Variants in ZP2 observed in about 807,000 individuals in gnomAD.
The protein encoded by ZP2 is zona pellucida sperm-binding protein 2.
In ZP2, 51 loss-of-function variants were observed where a neutral mutation model predicts 84.0. The observed-to-expected ratio is 0.61, with a 90% confidence interval of 0.49 to 0.77. The LOEUF (loss-of-function observed/expected upper bound fraction) is 0.77, where lower values mean the gene tolerates loss of function less well. Ranked by LOEUF, ZP2 falls within the 30% of genes least tolerant of loss-of-function variation. The probability of loss-of-function intolerance (pLI) is 0.00; values close to 1 mark genes in which losing one functional copy is unlikely to be tolerated. For synonymous variants in ZP2, 375 were observed against 330.9 expected (o/e 1.13, Z -1.45); for missense variants, 909 against 911.9 (o/e 1.00, Z 0.04).
At chr16:21,205,841 A>G in intron 5 of ZP2, 66 bp from the exon 6 acceptor site, 1 of 1,554,344 alleles carries the variant, frequency 6.4e-7, no homozygotes, top group African/African-American at 1.4e-5. Flanking sequence ...TTCATGCCAG[A>G]AATTGCTGTG....
chr16:21,202,361 T>C (rs922493048), intron 10 of ZP2, 70 bp from the exon 11 acceptor site: 131 of 1,346,240 alleles, frequency 9.7e-5, no homozygotes, highest in Non-Finnish European at 1.3e-4. Context: ...CCCAACCTGA[T>C]ATGCTACGAG....
chr16:21,206,501 A>C (rs1158236800), intron 5 of ZP2, among the ~76,000 whole-genome samples: 2 of 152,176 alleles, frequency 1.3e-5, no homozygotes, highest in Non-Finnish European at 2.9e-5. Flanking sequence ...GTATCTTAGC[A>C]TCTAGGGTAG....
chr16:21,208,248 A>G (rs2093259298), intron 4 of ZP2, among the ~76,000 whole-genome samples: 1 of 152,202 alleles, frequency 6.6e-6, no homozygotes, highest in Admixed American at 6.5e-5. Context: ...TTGGCCATCC[A>G]CAGGTTATGG....
chr16:21,206,538 T>A (rs2093250496), intron 5 of ZP2, among the ~76,000 whole-genome samples: 1 of 152,132 alleles, frequency 6.6e-6, no homozygotes. Context: ...TGTATTCCAT[T>A]TGTCAGATGA....
chr16:21,205,298 A>C, intron 7 of ZP2, 122 bp downstream of exon 7: 1 of 1,198,336 alleles, frequency 8.3e-7, no homozygotes, highest in Non-Finnish European at 1.2e-6. Flanking sequence ...AGTGTTTGGC[A>C]CTTAATAGGC....
chr16:21,201,526 C>CG lies in ZP2; in HGVS notation c.1536dup (p.Glu513ArgfsTer23), dbSNP rs2093225262. 6.2e-7 allele frequency: 1 copy of CG among 1,611,332 alleles called. No individual in the cohort carries two copies. The highest frequency in any genetic ancestry group is 1.3e-5 in the African/African-American group (1 of 74,864). ...CGGAGGAATCTCACTAGAGGGTACT[C>CG]GTTTTCCCCATAAGGTTGTTGGTAG... On this transcript the variant is annotated frameshift_variant, in exon 14 of 19. Transcript: ENST00000574091. LOFTEE classifies it high-confidence loss of function.
chr16:21,207,484 C>T (rs1421696722), intron 4 of ZP2, among the ~76,000 whole-genome samples: 2 of 152,102 alleles, frequency 1.3e-5, no homozygotes, highest in African/African-American at 4.8e-5. Context: ...CTTAAAAGAA[C>T]TTTAAAAAGA....
chr16:21,199,937 T>C (rs2093217777), intron 14 of ZP2, 59 bp from the exon 15 acceptor site: 1 of 1,602,754 alleles, frequency 6.2e-7, no homozygotes, highest in Non-Finnish European at 8.5e-7. Context: ...TCAAATTCAA[T>C]GTCTGCCCAG....
In ZP2 at chr16:21,203,266, T is replaced by C. The variant is rs571806481; in HGVS notation, c.973-15A>G. The C allele has an allele frequency of 5.0e-6, 8 of 1,612,288 alleles. No homozygotes were observed. In the African/African-American group the frequency reaches 6.7e-5, roughly 13 times the overall value. ...TTTTCAGATAACTGAAATGAGAAAA[T>C]GTCAATTAGCAGCCACAGTCCGTTG... is the stretch of plus-strand genomic sequence containing the variant. On this transcript the variant is annotated splice_polypyrimidine_tract_variant and intron_variant, in intron 9 of 18. Transcript: ENST00000574091.
chr16:21,208,612 T>C (rs975376166), intron 4 of ZP2, among the ~76,000 whole-genome samples: 1 of 152,252 alleles, frequency 6.6e-6, no homozygotes, highest in Non-Finnish European at 1.5e-5. Context: ...TTGCTTTTAT[T>C]GCTCCTAATA....
chr16:21,212,293 G>A (rs1172460517), upstream of ZP2, among the ~76,000 whole-genome samples: 1 of 152,176 alleles, frequency 6.6e-6, no homozygotes, highest in Non-Finnish European at 1.5e-5. Context: ...TGCACAGGAA[G>A]TGTCTTTAAA....
At chr16:21,207,215 T>C (rs573956170) in intron 4 of ZP2, among the ~76,000 whole-genome samples, 19 of 152,264 alleles carry the variant, frequency 1.2e-4, no homozygotes, top group African/African-American at 4.1e-4. Flanking sequence ...GAGTTCAGTT[T>C]CTATTTCTCT....
chr16:21,211,522 G>C lies in ZP2; in HGVS notation c.26C>G (p.Ser9Cys), dbSNP rs377677791. 22 of 1,614,060 alleles carry C rather than the reference G, an allele frequency of 1.4e-5. No homozygotes were observed. The African/African-American group carries it at 2.9e-4, about 22-fold the overall frequency. Residue 9 changes from serine (S) to cysteine (C), a missense_variant, in exon 1 of 19, where the codon TCT becomes TGT. Transcript: ENST00000574091. MACRQRGGSWSPSGWFNAG... is the reference protein window; with the variant it reads MACRQRGGCWSPSGWFNAG... ...ATTGAACCAGCCTGAGGGACTCCAAGAGCCTCCTCTCTGCCTGCACGCCAT... is the reference window on the plus strand; with the variant it reads ...ATTGAACCAGCCTGAGGGACTCCAACAGCCTCCTCTCTGCCTGCACGCCAT...
chr16:21,201,880 A>T, intron 12 of ZP2, 50 bp from the exon 13 acceptor site: 2 of 1,612,750 alleles, frequency 1.2e-6, no homozygotes, highest in Non-Finnish European at 1.7e-6. Context: ...AGGTTAAAAA[A>T]TTGCTTGAGT....
intron 10 of ZP2, among the ~76,000 whole-genome samples, chr16:21,202,535 A>G (rs1462918285): frequency 1.3e-5 from 2 of 152,214 alleles, no homozygotes; most frequent in Non-Finnish European, 2.9e-5. Context: ...TGTAGGAAGA[A>G]GTGCTATATG....
intron 3 of ZP2, 105 bp from the exon 4 acceptor site, chr16:21,209,830 C>T: frequency 1.0e-6 from 1 of 994,100 alleles, no homozygotes; most frequent in African/African-American, 1.6e-5. Context: ...TACTTCAGTC[C>T]CTTCACTTCC....
upstream of ZP2, chr16:21,211,623 C>A (rs1408081609): frequency 6.2e-7 from 1 of 1,610,128 alleles, no homozygotes; most frequent in Non-Finnish European, 8.5e-7. Context: ...CCAGCCGCAT[C>A]CACACCCTCT....
chr16:21,206,365 T>A (rs2093249615), intron 5 of ZP2, among the ~76,000 whole-genome samples: 1 of 152,228 alleles, frequency 6.6e-6, no homozygotes, highest in South Asian at 2.1e-4. Flanking sequence ...GTAAAAGCCA[T>A]GCAGTTCTAT....
At chr16:21,209,801 C>T in intron 3 of ZP2, 76 bp from the exon 4 acceptor site, 1 of 1,311,996 alleles carries the variant, frequency 7.6e-7, no homozygotes, top group Non-Finnish European at 1.1e-6. Context: ...GAGTCAAGAC[C>T]ACCAGTCCAT....
Sources: allele counts gnomAD v4.1 joint callset (sites outside exome capture counted in the v4.1 genomes callset), GRCh38; gene constraint gnomAD v4.1.1; transcripts MANE v1.5; gene names NCBI Gene and HGNC (gene_info 2026-07-23, HGNC 2026-07-21).